The following DLG2 variants were observed in gnomAD, a reference collection of about 807,000 sequenced individuals.
DLG2 encodes the protein disks large homolog 2.
A neutral mutation model predicts 132.5 loss-of-function variants in DLG2; 45 were observed. The ratio of observed to expected loss-of-function variants is 0.34; its 90% CI spans 0.27 to 0.44. The LOEUF (loss-of-function observed/expected upper bound fraction) is 0.44. DLG2 is among the 20% of genes least tolerant of loss of function. The pLI is 1.00. For missense variants in DLG2, 1,045 were observed against 1,196.9 expected (o/e 0.87, Z 1.87); for synonymous variants, 424 against 419.6 (o/e 1.01, Z -0.13).
intron 21 of DLG2, among the ~76,000 whole-genome samples, chr11:83,495,171 G>A (rs2094084361): frequency 6.6e-6 from 1 of 152,104 alleles, no homozygotes; most frequent in African/African-American, 2.4e-5. Context: ...AATTATGACA[G>A]TGGTGGCAGT....
chr11:85,146,264 C>CTCTCTCTCTCTCTCTCTCTCTCTCTCTCT, intron 5 of DLG2, among the ~76,000 whole-genome samples: 1 of 149,516 alleles, frequency 6.7e-6, no homozygotes, highest in African/African-American at 2.5e-5. Context: ...CTCTCTCTCT[C>CTCTCTCTCTCTCTCTCTCTCTCTCTCTCT]CTGAGCTTCC....
chr11:84,249,576 C>G (rs2097345642), intron 8 of DLG2, among the ~76,000 whole-genome samples: 2 of 152,130 alleles, frequency 1.3e-5, no homozygotes, highest in Admixed American at 1.3e-4. Context: ...GTACCTACCT[C>G]ATAGGATTGT....
At chr11:84,806,405 T>A (rs1474548844) in intron 6 of DLG2, among the ~76,000 whole-genome samples, 1 of 151,950 alleles carries the variant, frequency 6.6e-6, no homozygotes, top group Non-Finnish European at 1.5e-5. Context: ...TTATGAAAAC[T>A]AAAGATAAAA....
intron 19 of DLG2, among the ~76,000 whole-genome samples, chr11:83,594,805 C>T (rs1272932799): frequency 6.6e-6 from 1 of 152,126 alleles, no homozygotes; most frequent in Non-Finnish European, 1.5e-5. Context: ...TGGAATTTCT[C>T]AGCAAAAGCA....
At chr11:84,502,355 T>C (rs545313834) in intron 7 of DLG2, among the ~76,000 whole-genome samples, 3 of 65,622 alleles carry the variant, frequency 4.6e-5, no homozygotes, top group South Asian at 1.0e-3. Flanking sequence ...TCTTTCTTTC[T>C]TTCTTTCTTT....
chr11:84,804,128 A>C (rs2075737173), intron 6 of DLG2, among the ~76,000 whole-genome samples: 1 of 152,206 alleles, frequency 6.6e-6, no homozygotes, highest in Non-Finnish European at 1.5e-5. Context: ...TTTGGTGATG[A>C]CAAATATTAT....
chr11:84,508,242 G>A (rs2099247318), intron 7 of DLG2, among the ~76,000 whole-genome samples: 1 of 151,918 alleles, frequency 6.6e-6, no homozygotes, highest in South Asian at 2.1e-4. Context: ...ATGCCACACT[G>A]ATCTTTTTTG....
At chr11:83,658,503 T>C (rs1336142599) in intron 18 of DLG2, among the ~76,000 whole-genome samples, 2 of 152,264 alleles carry the variant, frequency 1.3e-5, no homozygotes, top group African/African-American at 4.8e-5. Context: ...AGCTAAAGTA[T>C]ATTTTGCAAT....
chr11:85,433,573 G>A (rs1348606669), intron 3 of DLG2, among the ~76,000 whole-genome samples: 1 of 152,132 alleles, frequency 6.6e-6, no homozygotes, highest in South Asian at 2.1e-4. Context: ...GACAAAGAAG[G>A]GCATTACATA....
In DLG2 at chr11:84,923,500, A is replaced by G. The variant is rs187642734; in HGVS notation, c.357+188161T>C. On this transcript the variant is annotated intron_variant, in intron 6 of 27. Coordinates refer to ENST00000376104, the MANE Select transcript of DLG2 (RefSeq NM_001142699.3). The stretch of plus-strand genomic sequence containing the variant: ...AGGGGGGGAAAGGTGAAGAATTGAA[A>G]TTTAACCAATGAGTTACTTATATTT... The G allele has an allele frequency of 1.2e-4, 123 of 1,032,782 alleles. No individual in the cohort carries two copies. In the Middle Eastern group the frequency reaches 1.5e-3, roughly 12 times the overall value. The allele number at this position is 1,032,782 out of a possible 1,614,324, so 64.0% of individuals were successfully genotyped here. A position where few individuals can be genotyped will look rare whatever the true frequency, so the allele number is the denominator to read the frequency against.
At position 84,119,147 on chromosome 11, in the gene DLG2, G is replaced by GA. The variant is rs966733169; in HGVS notation, c.625-20101dup. Among the ~76,000 whole-genome samples the GA allele has an allele frequency of 6.1e-3, 862 of 142,152 alleles. 8 individuals are homozygous for GA. The highest frequency in any genetic ancestry group is 0.017 in the African/African-American group (679 of 38,948). The allele number at this position is 142,152 out of a possible 152,430, so 93.3% of individuals were successfully genotyped here. ...CCATATGGCAAAAGTGACAACCTCA[G>GA]AAAAAAAAAAAATTAAAGCTGAGTT... On this transcript the variant is annotated intron_variant, in intron 9 of 27. Coordinates refer to ENST00000376104, the MANE Select transcript of DLG2 (RefSeq NM_001142699.3).
At chr11:83,920,855 TTGTC>T (rs148224446) in intron 15 of DLG2, among the ~76,000 whole-genome samples, 2,606 of 152,254 alleles carry the variant, frequency 0.017, 44 homozygotes, top group South Asian at 0.068. Context: ...CATATATTCA[TTGTC>T]TGTCTATCTA....
At chr11:84,619,155 A>G (rs1477250350) in intron 6 of DLG2, among the ~76,000 whole-genome samples, 1 of 151,950 alleles carries the variant, frequency 6.6e-6, no homozygotes, top group African/African-American at 2.4e-5. Flanking sequence ...AATGAATTTC[A>G]GAGAATAGTT....
intron 3 of DLG2, among the ~76,000 whole-genome samples, chr11:85,286,824 A>G (rs187884261): frequency 9.2e-5 from 14 of 152,206 alleles, no homozygotes; most frequent in African/African-American, 3.1e-4. Flanking sequence ...GAAATGGTTG[A>G]TCGTAGGACT....
At position 84,753,363 on chromosome 11, in the gene DLG2, AG is replaced by A. The variant is rs571538882; in HGVS notation, c.358-218633del. 3.0e-3 allele frequency among the ~76,000 whole-genome samples: 460 copies of A among 152,272 alleles called. 3 individuals carry two copies. The highest frequency in any genetic ancestry group is 4.4e-3 in the Non-Finnish European group (297 of 68,016). On this transcript the variant is annotated intron_variant, in intron 6 of 27. Transcript: ENST00000376104. ...CCATAGTGTAGGTGAGAGATAATGG[AG>A]GGTTTGAATTAGTAGGCAGGCACAG...
chr11:84,406,742 A>C (rs1427023371), intron 7 of DLG2, among the ~76,000 whole-genome samples: 2 of 152,184 alleles, frequency 1.3e-5, no homozygotes, highest in Non-Finnish European at 2.9e-5. Context: ...TATTTTTCAC[A>C]TACCTCTCTG....
intron 6 of DLG2, among the ~76,000 whole-genome samples, chr11:84,715,303 T>C (rs527722129): frequency 6.6e-6 from 1 of 152,242 alleles, no homozygotes; most frequent in African/African-American, 2.4e-5. Flanking sequence ...AATGTTTTGA[T>C]ATAGTGAAAT....
intron 6 of DLG2, among the ~76,000 whole-genome samples, chr11:84,640,837 G>A (rs2099659395): frequency 6.6e-6 from 1 of 151,992 alleles, no homozygotes; most frequent in Non-Finnish European, 1.5e-5. Context: ...CTACTCAGGA[G>A]GCTGAGGCAG....
At chr11:84,582,356 T>G (rs998711204) in intron 6 of DLG2, among the ~76,000 whole-genome samples, 1 of 150,050 alleles carries the variant, frequency 6.7e-6, no homozygotes, top group Admixed American at 6.7e-5. Flanking sequence ...TAAAAAGTCC[T>G]AACTACTACA....
Sources: allele counts gnomAD v4.1 joint callset (sites outside exome capture counted in the v4.1 genomes callset), GRCh38; gene constraint gnomAD v4.1.1; transcripts MANE v1.5; gene names NCBI Gene and HGNC (gene_info 2026-07-23, HGNC 2026-07-21).